PCCA: variants seen among roughly 807,000 people sequenced by gnomAD.
The protein encoded by PCCA is propionyl-CoA carboxylase subunit alpha.
In PCCA, 74 loss-of-function variants were observed where a neutral mutation model predicts 101.3. The observed-to-expected ratio is 0.73, with a 90% CI of 0.61 to 0.89. PCCA has a LOEUF of 0.89. PCCA is among the 40% of genes least tolerant of loss of function. The pLI, the probability that PCCA is intolerant of heterozygous loss-of-function variation, is 0.00. For synonymous variants in PCCA, 294 were observed against 313.6 expected (o/e 0.94, Z 0.66); for missense variants, 891 against 907.0 (o/e 0.98, Z 0.23).
chr13:100,312,761 C>CTGT (rs575789370), intron 16 of PCCA, among the ~76,000 whole-genome samples: 9 of 152,224 alleles, frequency 5.9e-5, no homozygotes, highest in African/African-American at 2.2e-4. Context: ...ACTTAAAGAC[C>CTGT]TGTTTGTATG....
At chr13:100,448,317 C>T (rs529239159) in intron 20 of PCCA, among the ~76,000 whole-genome samples, 2 of 152,226 alleles carry the variant, frequency 1.3e-5, no homozygotes, top group African/African-American at 4.8e-5. Flanking sequence ...CTTGGCCTCC[C>T]GAGTAGCTGG....
intron 7 of PCCA, among the ~76,000 whole-genome samples, chr13:100,232,864 C>T (rs990660425): frequency 1.3e-5 from 2 of 152,048 alleles, no homozygotes; most frequent in Non-Finnish European, 2.9e-5. Context: ...TAATAAGCTC[C>T]ATGAAGGCAG....
At chr13:100,363,189 G>A (rs908916258) in intron 18 of PCCA, among the ~76,000 whole-genome samples, 2 of 152,054 alleles carry the variant, frequency 1.3e-5, no homozygotes, top group African/African-American at 2.4e-5. Flanking sequence ...CTAAAAGTGA[G>A]TTTTCCAGTG....
chr13:100,195,123 A>G (rs760184551), intron 6 of PCCA, among the ~76,000 whole-genome samples: 3 of 152,188 alleles, frequency 2.0e-5, no homozygotes, highest in African/African-American at 4.8e-5. Flanking sequence ...AAATAGGGAT[A>G]TAAAATAAAA....
chr13:100,456,408 G>T (rs1026344960), intron 21 of PCCA, among the ~76,000 whole-genome samples: 1 of 152,132 alleles, frequency 6.6e-6, no homozygotes, highest in Non-Finnish European at 1.5e-5. Context: ...GTGTTCTCCC[G>T]GTGTGCGGAG....
intron 20 of PCCA, among the ~76,000 whole-genome samples, chr13:100,429,335 C>G (rs1276018362): frequency 1.3e-5 from 2 of 151,786 alleles, no homozygotes; most frequent in African/African-American, 4.8e-5. Flanking sequence ...TTGTGTGTCT[C>G]TTTGCAATTG....
intron 16 of PCCA, among the ~76,000 whole-genome samples, chr13:100,323,590 A>G (rs1000271009): frequency 6.6e-6 from 1 of 151,932 alleles, no homozygotes; most frequent in African/African-American, 2.4e-5. Flanking sequence ...TGCTGGGATT[A>G]CAGGTGTGAG....
chr13:100,311,247 T>A lies in PCCA; in HGVS notation c.1429+1339T>A, dbSNP rs547101609. Among the ~76,000 whole-genome samples the A allele has an allele frequency of 7.3e-3, 893 of 122,986 alleles. 5 individuals carry two copies. The highest frequency in any genetic ancestry group is 8.4e-3 in the Non-Finnish European group (471 of 55,982). The allele number at this position is 122,986 out of a possible 152,430, so 80.7% of individuals were successfully genotyped here. A position where few individuals can be genotyped will look rare whatever the true frequency, so the allele number is the denominator to read the frequency against. On this transcript the variant is annotated intron_variant, in intron 16 of 23. Coordinates refer to ENST00000376285, the MANE Select transcript of PCCA (RefSeq NM_000282.4). ...GAGTCCGTCTCAATGAAAAAAAAAA[T>A]TTTTTTTTAAATAAATAATTACGTG...
At chr13:100,439,499 G>C (rs1003422764) in intron 20 of PCCA, among the ~76,000 whole-genome samples, 2 of 152,076 alleles carry the variant, frequency 1.3e-5, no homozygotes, top group Non-Finnish European at 2.9e-5. Flanking sequence ...GAACCTGCTG[G>C]ATGAATAGAA....
chr13:100,137,591 C>T (rs996316656), intron 4 of PCCA, among the ~76,000 whole-genome samples: 2 of 152,158 alleles, frequency 1.3e-5, no homozygotes, highest in African/African-American at 2.4e-5. Flanking sequence ...TAATGTTCTT[C>T]TCTATCCCTT....
intron 22 of PCCA, among the ~76,000 whole-genome samples, chr13:100,521,569 C>T (rs1405676488): frequency 6.6e-6 from 1 of 152,234 alleles, no homozygotes; most frequent in Non-Finnish European, 1.5e-5. Flanking sequence ...GTTTCTTCTT[C>T]AGGAAATATC....
At chr13:100,494,052 G>A (rs1398741012) in intron 21 of PCCA, among the ~76,000 whole-genome samples, 1 of 152,122 alleles carries the variant, frequency 6.6e-6, no homozygotes, top group African/African-American at 2.4e-5. Flanking sequence ...AGCTGGGTGT[G>A]GTGGTGCACG....
chr13:100,437,459 C>G lies in PCCA; in HGVS notation c.1845+11728C>G, dbSNP rs1050541970. ...TTAAAGTCTTTTTCTATTAATTTCT[C>G]TAATAATTTAGCCAACTTTTCTTCA... On this transcript the variant is annotated intron_variant, in intron 20 of 23. Transcript: ENST00000376285. 3.3e-5 allele frequency among the ~76,000 whole-genome samples: 5 copies of G among 151,902 alleles called. No homozygotes were observed. In the East Asian group the frequency reaches 9.7e-4, roughly 29 times the overall value.
At chr13:100,431,604 C>T (rs1046246565) in intron 20 of PCCA, among the ~76,000 whole-genome samples, 10 of 152,194 alleles carry the variant, frequency 6.6e-5, no homozygotes, top group African/African-American at 1.9e-4. Flanking sequence ...GAGTGGCTCA[C>T]GCCTGTAATC....
chr13:100,305,524 C>T (rs186078489), intron 14 of PCCA, among the ~76,000 whole-genome samples: 91 of 152,286 alleles, frequency 6.0e-4, no homozygotes, highest in African/African-American at 1.9e-3. Context: ...GTATCAGTCT[C>T]GTTTGTAAAC....
chr13:100,382,964 G>A (rs2076311901), intron 19 of PCCA, among the ~76,000 whole-genome samples: 2 of 152,100 alleles, frequency 1.3e-5, no homozygotes, highest in South Asian at 4.1e-4. Flanking sequence ...GAAGATGAAA[G>A]AAGTTCCTCT....
chr13:100,119,793 C>G (rs2049185571), intron 4 of PCCA, among the ~76,000 whole-genome samples: 1 of 152,166 alleles, frequency 6.6e-6, no homozygotes, highest in African/African-American at 2.4e-5. Flanking sequence ...ACCCAATCTT[C>G]TAGATTATTG....
At chr13:100,377,446 A>C (rs540231525) in intron 19 of PCCA, among the ~76,000 whole-genome samples, 1 of 151,950 alleles carries the variant, frequency 6.6e-6, no homozygotes, top group African/African-American at 2.4e-5. Flanking sequence ...GGCAGCATAT[A>C]TTTGGGTCAT....
Position 100,327,075 on chromosome 13 carries a change from A to G in PCCA, c.1430-3486A>G, listed in dbSNP as rs531655170. ...CTTTAAAAAAATGACTTATTGAGGT[A>G]TACTTGACATAATAAATTTCTGATA... On this transcript the variant is annotated intron_variant, in intron 16 of 23. Coordinates refer to ENST00000376285, the MANE Select transcript of PCCA (RefSeq NM_000282.4). Among the ~76,000 whole-genome samples the G allele has an allele frequency of 5.1e-4, 78 of 152,296 alleles. 1 individual carries two copies. Among genetic ancestry groups the G allele is most frequent in the South Asian group, 3.9e-3 (19 of 4,832 alleles).
Sources: gnomAD v4.1 joint callset for allele counts (sites outside exome capture counted in the v4.1 genomes callset) on GRCh38, gnomAD v4.1.1 for gene constraint, MANE v1.5 for transcripts, NCBI Gene and HGNC (gene_info 2026-07-23, HGNC 2026-07-21) for gene names.